The following PPOX variants were observed in gnomAD, a reference collection of about 807,000 sequenced individuals.
PPOX encodes the protein protoporphyrinogen oxidase, also known as variegate porphyria.
A neutral mutation model predicts 54.1 loss-of-function variants in PPOX; 23 were observed. The ratio of observed to expected loss-of-function variants is 0.43; its 90% CI spans 0.31 to 0.60. The LOEUF is 0.60. Among genes scored for constraint, PPOX ranks in the 20% least tolerant of loss-of-function variants. PPOX has a pLI of 0.13. For synonymous variants in PPOX, 224 were observed against 236.1 expected (o/e 0.95, Z 0.47); for missense variants, 512 against 601.1 (o/e 0.85, Z 1.55).
At chr1:161,166,312 G>C, upstream of PPOX, 5 of 1,020,498 alleles carry the variant, frequency 4.9e-6, no homozygotes, top group Non-Finnish European at 5.9e-6. Context: ...AGCTGCCGTC[G>C]CTCCGCCTCT....
chr1:161,176,256 T>C, intron 4 of PPOX: 1 of 689,152 alleles, frequency 1.5e-6, no homozygotes. Flanking sequence ...CCAGTAACCC[T>C]ACCACCTGTC....
downstream of PPOX, chr1:161,171,765 A>G: frequency 6.3e-7 from 1 of 1,598,898 alleles, no homozygotes; most frequent in Non-Finnish European, 8.5e-7. Flanking sequence ...GGTGGGGAGA[A>G]TACAACCCCA....
chr1:161,171,962 G>C (rs762986792), downstream of PPOX: 1 of 1,614,128 alleles, frequency 6.2e-7, no homozygotes, highest in Non-Finnish European at 8.5e-7. Context: ...GGACCCCGAG[G>C]GTCAGTCCCA....
In PPOX at chr1:161,168,579, G is replaced by A. The variant is rs773850445; in HGVS notation, c.616+3G>A. 4 of 1,613,990 alleles carry A rather than the reference G, an allele frequency of 2.5e-6. No homozygotes were observed. Among genetic ancestry groups the A allele is most frequent in the Non-Finnish European group, 3.4e-6 (4 of 1,179,978 alleles). On this transcript the variant is annotated splice_donor_region_variant and intron_variant, in intron 6 of 12. Transcript: ENST00000367999. Reference sequence around the variant, plus strand: ...ACTGGGCCTGCTGCTGGGGGCAGGTGAGGGGGGATTGATTCAGAGGGTGAA... The same window carrying A: ...ACTGGGCCTGCTGCTGGGGGCAGGTAAGGGGGGATTGATTCAGAGGGTGAA...
At chr1:161,175,081 C>G, downstream of PPOX, 1 of 1,614,028 alleles carries the variant, frequency 6.2e-7, no homozygotes, top group Non-Finnish European at 8.5e-7. Flanking sequence ...GTGGTGCTCC[C>G]GGGCACGATG....
chr1:161,172,115 G>T, downstream of PPOX: 1 of 1,612,558 alleles, frequency 6.2e-7, no homozygotes, highest in East Asian at 2.2e-5. Context: ...TGGAGACTAA[G>T]ACCCAGAAAG....
intron 7 of PPOX, 91 bp from the exon 8 acceptor site, chr1:161,169,569 G>C: frequency 7.4e-7 from 1 of 1,343,972 alleles, no homozygotes; most frequent in Admixed American, 1.7e-5. Context: ...CCACATGGGT[G>C]CCTGGGAAAC....
chr1:161,176,383 G>A, intron 4 of PPOX: 1 of 449,080 alleles, frequency 2.2e-6, no homozygotes, highest in Non-Finnish European at 4.0e-6. Context: ...ATTTCAGAAA[G>A]TCTCTAGAGA....
At position 161,171,010 on chromosome 1, in the gene PPOX, ATTCCT is replaced by A. The variant is rs1181924765; in HGVS notation, c.1292-20_1292-16del. On this transcript the variant is annotated intron_variant, in intron 12 of 12. Transcript: ENST00000367999. ...AGGACATCAGACCCCCAGCTAAAAC[ATTCCT>A]TTCATCCTTTCCTTCCAGAGTCAGC... The A allele has an allele frequency of 6.8e-6, 11 of 1,614,178 alleles. No homozygotes were observed. Among genetic ancestry groups the A allele is most frequent in the South Asian group, 2.2e-5 (2 of 91,088 alleles).
chr1:161,166,854 C>A lies in PPOX; in HGVS notation c.7C>A (p.Arg3=). 1 of 1,613,552 alleles carries A rather than the reference C, an allele frequency of 6.2e-7. No homozygotes were observed. Among genetic ancestry groups the A allele is most frequent in the Non-Finnish European group, 8.5e-7 (1 of 1,180,016 alleles). MG[R]TVVVLGGGIS... ...CTTTCCCCCAGGTTTCCGCATGGGC[C>A]GGACCGTGGTCGTGCTGGGCGGAGG... Residue 3 remains arginine, a synonymous_variant, in exon 2 of 13, where the codon CGG becomes AGG. Coordinates refer to ENST00000367999, the MANE Select transcript of PPOX (RefSeq NM_001122764.3).
chr1:161,171,655 G>T, downstream of PPOX: 1 of 1,010,000 alleles, frequency 9.9e-7, no homozygotes, highest in Non-Finnish European at 1.4e-6. Context: ...GTCTACAGGA[G>T]CCCAGCTCCA....
chr1:161,176,966 C>A, exon 5 of PPOX: 1 of 1,536,150 alleles, frequency 6.5e-7, no homozygotes. Flanking sequence ...TGGGTGCCAA[C>A]TCCTCAGGTG....
intron 4 of PPOX, 98 bp downstream of exon 4, chr1:161,167,584 T>TTG: frequency 9.2e-7 from 1 of 1,088,808 alleles, no homozygotes; most frequent in Non-Finnish European, 1.3e-6. Context: ...TTTTTTTTTT[T>TTG]GAGACGGAGT....
downstream of PPOX, chr1:161,175,003 A>G (rs781645869): frequency 1.5e-5 from 24 of 1,613,444 alleles, no homozygotes; most frequent in Non-Finnish European, 2.0e-5. Flanking sequence ...CTGGTGGATG[A>G]CATAGATGCC....
upstream of PPOX, chr1:161,166,246 G>A (rs552848881): frequency 1.1e-5 from 11 of 961,916 alleles, no homozygotes; most frequent in South Asian, 4.3e-4. Context: ...GGGCAGTGAC[G>A]GGTACGGCCG....
Position 161,169,674 on chromosome 1 carries a change from C to T in PPOX, c.822C>T (p.Asp274=), listed in dbSNP as rs1660455183. 2 of 1,614,168 alleles carry T rather than the reference C, an allele frequency of 1.2e-6. No individual in the cohort carries two copies. The highest frequency in any genetic ancestry group is 1.7e-6 in the Non-Finnish European group (2 of 1,180,006). ...AEGRWKVSLR[D]SSLEADHVIS... is the part of the protein sequence containing the mutation. ...CATGCTCTCAGGTATCTCTAAGGGA[C>T]AGCAGTCTGGAGGCTGACCACGTTA... The change falls in exon 8 of 13, where the codon GAC becomes GAT. Residue 274 remains aspartate, a synonymous_variant. Coordinates refer to ENST00000367999, the MANE Select transcript of PPOX (RefSeq NM_001122764.3).
chr1:161,177,556 C>T (rs1170763687), downstream of PPOX: 2 of 167,220 alleles, frequency 1.2e-5, no homozygotes, highest in Non-Finnish European at 2.6e-5. Context: ...GCCACCCGGG[C>T]TGACTAGGCA....
chr1:161,173,524 GAAGGGCTATGGTCA>G, downstream of PPOX: 2 of 1,597,394 alleles, frequency 1.3e-6, no homozygotes, highest in Non-Finnish European at 1.7e-6. Flanking sequence ...GGTTAGTGTT[GAAGGGCTATGGTCA>G]AAGGTGGTCT....
downstream of PPOX, chr1:161,175,118 G>T (rs202068319): frequency 7.4e-6 from 12 of 1,613,978 alleles, no homozygotes; most frequent in Non-Finnish European, 9.3e-6. Flanking sequence ...GTTCGGGAGC[G>T]GGGCTCACAA....
Sources: allele counts gnomAD v4.1 joint callset, GRCh38; gene constraint gnomAD v4.1.1; transcripts MANE v1.5; gene names NCBI Gene and HGNC (gene_info 2026-07-23, HGNC 2026-07-21).